Variants in FRK observed in about 807,000 individuals in gnomAD.
The protein encoded by FRK is tyrosine-protein kinase FRK.
In FRK, 51 loss-of-function variants were observed where a neutral mutation model predicts 56.4. The observed-to-expected ratio is 0.90, with a 90% CI of 0.72 to 1.14. The LOEUF is 1.14. FRK is among the 50% of genes most tolerant of loss of function. FRK has a pLI of 0.00. For missense variants in FRK, 570 were observed against 601.4 expected (o/e 0.95, Z 0.55); for synonymous variants, 245 against 217.9 (o/e 1.12, Z -1.10).
chr6:115,956,911 C>T (rs1388109387), intron 4 of FRK, among the ~76,000 whole-genome samples: 13 of 152,140 alleles, frequency 8.5e-5, no homozygotes, highest in Admixed American at 5.9e-4. Flanking sequence ...ACTGATAAAA[C>T]AAGGCATCTT....
At position 115,956,506 on chromosome 6, in the gene FRK, T is replaced by C. The variant is rs748232767; in HGVS notation, c.904A>G (p.Ile302Val). The C allele has an allele frequency of 2.5e-6, 4 of 1,585,014 alleles. No homozygotes were observed. The African/African-American group carries it at 4.0e-5, about 16-fold the overall frequency. The change falls in exon 5 of 8, where the codon ATT becomes GTT. Residue 302 changes from isoleucine to valine, a missense_variant. By Grantham distance (29) the Ile-to-Val change is conservative. Transcript: ENST00000606080. The stretch of plus-strand genomic sequence containing the variant: ...CTCATCAACTCTGTAATAATATAAA[T>C]TGGATCTTCTAAAGTGCAAACAGCA... ...LYAVCTLEDP[I>V]YIITELMRHG...
intron 5 of FRK, among the ~76,000 whole-genome samples, chr6:115,952,799 A>G (rs930565986): frequency 4.0e-5 from 6 of 151,882 alleles, no homozygotes; most frequent in Non-Finnish European, 7.4e-5. Flanking sequence ...AGAAATCATC[A>G]TTCTCAGTAA....
chr6:115,978,184 T>C (rs201255136), intron 2 of FRK, among the ~76,000 whole-genome samples: 1 of 152,266 alleles, frequency 6.6e-6, no homozygotes, highest in East Asian at 1.9e-4. Flanking sequence ...AGAAAATCTT[T>C]CACTGGGTAA....
At chr6:116,072,400 A>C in the FRK span, among the ~76,000 whole-genome samples, 1 of 152,176 alleles carries the variant, frequency 6.6e-6, no homozygotes, top group Non-Finnish European at 1.5e-5. Context: ...GTTCAAAGAT[A>C]TTTCCAGTTC....
At chr6:115,950,267 T>G (rs1343795371) in intron 5 of FRK, among the ~76,000 whole-genome samples, 2 of 151,454 alleles carry the variant, frequency 1.3e-5, no homozygotes, top group Non-Finnish European at 2.9e-5. Context: ...GGGAGAAAAT[T>G]TTTGCAATCT....
chr6:116,010,944 T>G (rs1775442886), intron 1 of FRK, among the ~76,000 whole-genome samples: 1 of 152,208 alleles, frequency 6.6e-6, no homozygotes, highest in Non-Finnish European at 1.5e-5. Flanking sequence ...TCATCCCAAG[T>G]GACTCTTCTG....
chr6:116,055,026 T>A (rs1003892557), intron 1 of FRK, among the ~76,000 whole-genome samples: 1 of 152,208 alleles, frequency 6.6e-6, no homozygotes, highest in East Asian at 1.9e-4. Flanking sequence ...TATGTACAAT[T>A]TGTATTCAAT....
intron 1 of FRK, among the ~76,000 whole-genome samples, chr6:116,006,334 AATAC>A (rs1387699028): frequency 6.6e-6 from 1 of 152,202 alleles, no homozygotes; most frequent in Non-Finnish European, 1.5e-5. Context: ...ACCACAATGA[AATAC>A]TATTTTATAC....
At chr6:116,100,571 T>C in the FRK span, among the ~76,000 whole-genome samples, 1 of 152,240 alleles carries the variant, frequency 6.6e-6, no homozygotes, top group South Asian at 2.1e-4. Flanking sequence ...CGGGAAAGGC[T>C]ACGTGCCTAC....
At chr6:116,077,649 G>T in the FRK span, among the ~76,000 whole-genome samples, 46 of 152,152 alleles carry the variant, frequency 3.0e-4, 1 homozygote, top group African/African-American at 1.1e-3. Context: ...ACAGTTTTTT[G>T]AATATTTCCT....
chr6:116,024,631 T>A (rs1288471464), intron 1 of FRK, among the ~76,000 whole-genome samples: 13 of 152,196 alleles, frequency 8.5e-5, no homozygotes, highest in African/African-American at 2.9e-4. Context: ...TTCCATGGTG[T>A]ATATGTGCCA....
chr6:116,094,462 C>A, the FRK span, among the ~76,000 whole-genome samples: 11 of 152,354 alleles, frequency 7.2e-5, no homozygotes, highest in South Asian at 2.1e-4. Context: ...CCAGGTATTT[C>A]TCCCACCTTC....
intron 1 of FRK, among the ~76,000 whole-genome samples, chr6:116,005,124 G>C (rs572617488): frequency 1.2e-4 from 18 of 152,242 alleles, no homozygotes; most frequent in African/African-American, 4.3e-4. Context: ...TGAAAAGAGA[G>C]ACATTAACAT....
chr6:116,023,581 A>T (rs1405736237), intron 1 of FRK, among the ~76,000 whole-genome samples: 1 of 152,182 alleles, frequency 6.6e-6, no homozygotes, highest in Non-Finnish European at 1.5e-5. Flanking sequence ...CATAGGCAAA[A>T]CTAAGCTATG....
chr6:115,966,532 A>G (rs2114597109), intron 4 of FRK, among the ~76,000 whole-genome samples: 1 of 152,252 alleles, frequency 6.6e-6, no homozygotes, highest in South Asian at 2.1e-4. Context: ...GTGTTACCCT[A>G]TGCTGCTAGC....
chr6:116,007,425 G>A (rs188860987), intron 1 of FRK, among the ~76,000 whole-genome samples: 1 of 152,170 alleles, frequency 6.6e-6, no homozygotes, highest in Non-Finnish European at 1.5e-5. Context: ...TGATGGTTGA[G>A]TCTGAAATTG....
intron 2 of FRK, among the ~76,000 whole-genome samples, chr6:115,977,887 G>A (rs970890903): frequency 1.3e-5 from 2 of 152,020 alleles, no homozygotes; most frequent in African/African-American, 4.8e-5. Flanking sequence ...CAATTTTATT[G>A]TTTATATATC....
rs1772034321 is a variant in FRK, at chr6:115,935,860, A to C, written c.*6554T>G. The C allele has an allele frequency of 1.3e-5, 2 of 152,242 alleles. No individual in the cohort carries two copies. Among genetic ancestry groups the C allele is most frequent in the African/African-American group, 4.8e-5 (2 of 41,422 alleles). The allele number at this position is 152,242 out of a possible 1,614,324, so 9.4% of individuals were successfully genotyped here. On this transcript the variant is annotated 3_prime_UTR_variant, in exon 8 of 8. Transcript: ENST00000606080. ...AAGGCAGTCAGGGACTAATAGATAA[A>C]ACCCCATCTCCCTGGGACAGAGCAC...
intron 5 of FRK, among the ~76,000 whole-genome samples, chr6:115,945,887 A>C (rs1772426764): frequency 6.6e-6 from 1 of 152,080 alleles, no homozygotes; most frequent in Non-Finnish European, 1.5e-5. Flanking sequence ...TAGTACAATC[A>C]GTTTGATTGT....
Sources: gnomAD v4.1 joint callset for allele counts (sites outside exome capture counted in the v4.1 genomes callset) on GRCh38, gnomAD v4.1.1 for gene constraint, MANE v1.5 for transcripts, NCBI Gene and HGNC (gene_info 2026-07-23, HGNC 2026-07-21) for gene names.